Variants in NAALADL2 observed in about 807,000 individuals in gnomAD.
The protein encoded by NAALADL2 is inactive N-acetylated-alpha-linked acidic dipeptidase-like protein 2.
NAALADL2 carries 76 observed loss-of-function variants against 87.2 expected under a neutral mutation model. That is an observed-to-expected ratio of 0.87 (90% CI 0.72 to 1.05). NAALADL2 has a LOEUF of 1.05. NAALADL2 is among the 50% of genes least tolerant of loss of function. The pLI, the probability that NAALADL2 is intolerant of heterozygous loss-of-function variation, is 0.00. For missense variants in NAALADL2, 1,089 were observed against 945.8 expected (o/e 1.15, Z -1.99); for synonymous variants, 354 against 331.0 (o/e 1.07, Z -0.75).
chr3:175,421,244 C>T (rs1379481996), intron 5 of NAALADL2, among the ~76,000 whole-genome samples: 1 of 151,862 alleles, frequency 6.6e-6, no homozygotes. Context: ...TATGAAATAC[C>T]AACTTATAGA....
At chr3:174,443,384 A>C (rs1262699443) in intron 1 of NAALADL2, among the ~76,000 whole-genome samples, 2 of 152,208 alleles carry the variant, frequency 1.3e-5, no homozygotes, top group African/African-American at 2.4e-5. Flanking sequence ...ATGTGAGAGC[A>C]AAAGAAATTA....
chr3:175,041,624 T>A lies in NAALADL2; in HGVS notation c.44-55166T>A, dbSNP rs77061213. Among the ~76,000 whole-genome samples the A allele has an allele frequency of 2.6e-4, 39 of 152,260 alleles. 1 individual carries two copies. In the East Asian group the frequency reaches 7.5e-3, roughly 29 times the overall value. On this transcript the variant is annotated intron_variant, in intron 1 of 13. Coordinates refer to ENST00000454872, the MANE Select transcript of NAALADL2 (RefSeq NM_207015.3). ...GTGGTTTCCATGCATTTCCTTAACATGTTTATACAATGACACTGTAGCTTT... is the reference window on the plus strand; with the variant it reads ...GTGGTTTCCATGCATTTCCTTAACAAGTTTATACAATGACACTGTAGCTTT...
rs960162364 is a variant in NAALADL2, at chr3:175,367,891, T to C, written c.1090+43566T>C. On this transcript the variant is annotated intron_variant, in intron 5 of 13. Transcript: ENST00000454872. ...GCCCTGGCCAGAACTTCCAACACTA[T>C]GTTGAATAGGAGAGGTGAGAGAGGG... Among the ~76,000 whole-genome samples the C allele has an allele frequency of 5.7e-4, 87 of 152,264 alleles. 3 individuals carry two copies. In the South Asian group the frequency reaches 0.011, roughly 20 times the overall value.
At chr3:175,755,459 T>C in intron 13 of NAALADL2, 41 bp downstream of exon 13, 1 of 1,423,062 alleles carries the variant, frequency 7.0e-7, no homozygotes, top group Non-Finnish European at 9.5e-7. Context: ...TTGCCCTACA[T>C]TAAATGTTTA....
chr3:175,803,269 A>AT lies in NAALADL2; in HGVS notation c.*70dup. ...CAAGCAAAAGCTCTAATTTAACCAG[A>AT]TTTTCTGACATTGAAGGCTTATTTT... is the stretch of plus-strand genomic sequence containing the variant. On this transcript the variant is annotated 3_prime_UTR_variant, in exon 14 of 14. Coordinates refer to ENST00000454872, the MANE Select transcript of NAALADL2 (RefSeq NM_207015.3). 1 of 1,176,828 alleles carries AT rather than the reference A, an allele frequency of 8.5e-7. No individual in the cohort carries two copies. Among genetic ancestry groups the AT allele is most frequent in the Non-Finnish European group, 1.2e-6 (1 of 846,886 alleles). 72.9% of individuals were successfully genotyped at this position (1,176,828 alleles called of 1,614,324 possible).
intron 5 of NAALADL2, among the ~76,000 whole-genome samples, chr3:175,396,774 A>G (rs1769851477): frequency 6.6e-6 from 1 of 152,060 alleles, no homozygotes; most frequent in African/African-American, 2.4e-5. Context: ...AGTCCTCACA[A>G]GATCTAATGG....
chr3:175,658,265 G>A (rs1162990872), intron 11 of NAALADL2, among the ~76,000 whole-genome samples: 1 of 152,102 alleles, frequency 6.6e-6, no homozygotes, highest in East Asian at 1.9e-4. Context: ...GTTGCTATGG[G>A]TTATGGTACC....
At chr3:175,591,784 G>GTGTGTATATA (rs1443245536) in intron 10 of NAALADL2, among the ~76,000 whole-genome samples, 57 of 136,958 alleles carry the variant, frequency 4.2e-4, no homozygotes, top group Non-Finnish European at 6.8e-4. Context: ...GTGTGTGTGT[G>GTGTGTATATA]TATATATATA....
intron 10 of NAALADL2, among the ~76,000 whole-genome samples, chr3:175,594,136 G>A (rs778831769): frequency 4.6e-5 from 7 of 152,054 alleles, no homozygotes; most frequent in Admixed American, 6.6e-5. Flanking sequence ...TTCAACCCAC[G>A]CACGCCTCCT....
intron 1 of NAALADL2, among the ~76,000 whole-genome samples, chr3:174,931,967 T>C (rs1197385155): frequency 6.6e-6 from 1 of 152,226 alleles, no homozygotes; most frequent in Non-Finnish European, 1.5e-5. Flanking sequence ...TAGATTCAAA[T>C]AACTTCAACA....
intron 3 of NAALADL2, among the ~76,000 whole-genome samples, chr3:174,847,986 T>G (rs2109457317): frequency 6.6e-6 from 1 of 151,756 alleles, no homozygotes; most frequent in Non-Finnish European, 1.5e-5. Context: ...TGTATCTAAG[T>G]ATTCTAACTC....
rs530856148 is a variant in NAALADL2 at position 174,622,369 on chromosome 3, T to A, written c.-115+71732T>A. On this transcript the variant is annotated intron_variant, in intron 2 of 3. Transcript: ENST00000434257. ...GGATTGATAAAAGGATTAAGTGAGA[T>A]TATATGTGCCTATCAAAGTAATCAT... Among the ~76,000 whole-genome samples, 13 of 152,356 alleles carry A rather than the reference T, an allele frequency of 8.5e-5. No homozygotes were observed. The East Asian group carries it at 2.5e-3, about 29-fold the overall frequency.
At chr3:175,727,929 G>A (rs1156868370) in intron 11 of NAALADL2, among the ~76,000 whole-genome samples, 1 of 152,162 alleles carries the variant, frequency 6.6e-6, no homozygotes, top group East Asian at 1.9e-4. Flanking sequence ...GGTGGCTCTT[G>A]TTGGGGCTGA....
chr3:174,559,599 A>G (rs1713329339), intron 2 of NAALADL2, among the ~76,000 whole-genome samples: 1 of 152,146 alleles, frequency 6.6e-6, no homozygotes, highest in African/African-American at 2.4e-5. Context: ...ACAGAAATTT[A>G]TTTCTCACAG....
In NAALADL2 at chr3:175,803,165, C is replaced by T. The variant is rs1754391098; in HGVS notation, c.2350C>T (p.Leu784Phe). 1 of 1,611,626 alleles carries T rather than the reference C, an allele frequency of 6.2e-7. No individual in the cohort carries two copies. The highest frequency in any genetic ancestry group is 8.5e-7 in the Non-Finnish European group (1 of 1,178,712). ...AGCTCAGGTTTACTTCAAAGCAGGACTTGATGTGTTCAAGAGTGTCTTGGA... is the reference window on the plus strand; with the variant it reads ...AGCTCAGGTTTACTTCAAAGCAGGATTTGATGTGTTCAAGAGTGTCTTGGA... The part of the protein sequence containing the change: ...NSAQVYFKAG[L>F]DVFKSVLDGK... Residue 784 changes from leucine to phenylalanine, a missense_variant, in exon 14 of 14, where the codon CTT becomes TTT. Leu to Phe is a conservative substitution (Grantham distance 22, BLOSUM62 0). Coordinates refer to ENST00000454872, the MANE Select transcript of NAALADL2 (RefSeq NM_207015.3).
chr3:175,709,792 C>T (rs78159882), intron 11 of NAALADL2, among the ~76,000 whole-genome samples: 5 of 152,050 alleles, frequency 3.3e-5, no homozygotes, highest in Admixed American at 6.6e-5. Context: ...CCCAAACAGC[C>T]TGTTTCAAGA....
intron 2 of NAALADL2, among the ~76,000 whole-genome samples, chr3:175,129,653 A>T (rs1350544707): frequency 6.6e-6 from 1 of 152,206 alleles, no homozygotes; most frequent in East Asian, 1.9e-4. Context: ...AAGGCTTAAT[A>T]ATATTTCATT....
chr3:174,950,510 G>A (rs1740182723), intron 1 of NAALADL2, among the ~76,000 whole-genome samples: 1 of 152,062 alleles, frequency 6.6e-6, no homozygotes, highest in Admixed American at 6.6e-5. Context: ...ATAATCAAGT[G>A]AGCACTATTT....
intron 9 of NAALADL2, among the ~76,000 whole-genome samples, chr3:175,472,447 G>C (rs1725046368): frequency 6.6e-6 from 1 of 151,982 alleles, no homozygotes; most frequent in Admixed American, 6.6e-5. Flanking sequence ...TAAAATATGT[G>C]CTATTTCTCA....
Sources: gnomAD v4.1 joint callset for allele counts (sites outside exome capture counted in the v4.1 genomes callset) on GRCh38, gnomAD v4.1.1 for gene constraint, MANE v1.5 for transcripts, NCBI Gene and HGNC (gene_info 2026-07-23, HGNC 2026-07-21) for gene names.